The following FBXL7 variants were observed in gnomAD, a reference collection of about 807,000 sequenced individuals.
The protein encoded by FBXL7 is F-box/LRR-repeat protein 7.
Under a neutral mutation model 38.3 loss-of-function variants are expected in FBXL7, and 12 were observed. That is an observed-to-expected ratio of 0.31 (90% CI 0.20 to 0.51). The LOEUF is 0.51. FBXL7 is among the 20% of genes least tolerant of loss of function. FBXL7 has a pLI of 0.98. For synonymous variants in FBXL7, 297 were observed against 300.9 expected (o/e 0.99, Z 0.13); for missense variants, 567 against 676.4 (o/e 0.84, Z 1.79).
chr5:15,797,433 G>A (rs1411328778), intron 2 of FBXL7, among the ~76,000 whole-genome samples: 1 of 152,232 alleles, frequency 6.6e-6, no homozygotes, highest in Non-Finnish European at 1.5e-5. Flanking sequence ...ACCTTTGTGA[G>A]AATAGGAAGA....
Position 15,912,553 on chromosome 5 carries a change from C to T in FBXL7, c.128-15337C>T, listed in dbSNP as rs567709658. 1.1e-4 allele frequency among the ~76,000 whole-genome samples: 17 copies of T among 149,556 alleles called. 1 individual carries two copies. The highest frequency in any genetic ancestry group is 5.3e-4 in the Admixed American group (8 of 15,170). Reference sequence around the variant, plus strand: ...TTTGGCCATCTTGGCTCCTCCCCACCGACCTAGAAGGATTTTCCACAAGTA... The same window carrying T: ...TTTGGCCATCTTGGCTCCTCCCCACTGACCTAGAAGGATTTTCCACAAGTA... On this transcript the variant is annotated intron_variant, in intron 2 of 3. Transcript: ENST00000504595.
At chr5:15,871,942 C>T (rs1276157500) in intron 2 of FBXL7, among the ~76,000 whole-genome samples, 1 of 152,106 alleles carries the variant, frequency 6.6e-6, no homozygotes, top group Non-Finnish European at 1.5e-5. Context: ...GAGAACACCA[C>T]AAAGATAATC....
chr5:15,595,351 G>A lies in FBXL7; in HGVS notation c.38-20632G>A, dbSNP rs1279380002. On this transcript the variant is annotated intron_variant, in intron 1 of 3. Coordinates refer to ENST00000504595, the MANE Select transcript of FBXL7 (RefSeq NM_012304.5). ...TGTAATTCGAAGCTTGGAAGAGTTG[G>A]AACAGGGGTATGAAGCAGTGCTGCA... 2.6e-5 allele frequency among the ~76,000 whole-genome samples: 4 copies of A among 152,098 alleles called. No individual in the cohort carries two copies. The East Asian group carries it at 7.7e-4, about 29-fold the overall frequency.
intron 2 of FBXL7, among the ~76,000 whole-genome samples, chr5:15,837,446 A>G (rs1738624421): frequency 6.6e-6 from 1 of 152,174 alleles, no homozygotes; most frequent in Non-Finnish European, 1.5e-5. Context: ...AACCATAAAT[A>G]TGCCTTATTT....
chr5:15,892,864 T>A (rs1740958841), intron 2 of FBXL7, among the ~76,000 whole-genome samples: 1 of 152,162 alleles, frequency 6.6e-6, no homozygotes, highest in Admixed American at 6.5e-5. Context: ...ACGCCTGTAA[T>A]CCCAGCACTT....
chr5:15,615,296 T>C lies in FBXL7; in HGVS notation c.38-687T>C, dbSNP rs534127737. Among the ~76,000 whole-genome samples, 6 of 152,328 alleles carry C rather than the reference T, an allele frequency of 3.9e-5. No individual in the cohort carries two copies. In the South Asian group the frequency reaches 1.2e-3, roughly 32 times the overall value. ...ACATTTGGGCTGGATAATTCTTTCT[T>C]GTGGCGGCCGACCTGTGCATTCTAA... On this transcript the variant is annotated intron_variant, in intron 1 of 3. Transcript: ENST00000504595.
chr5:15,636,661 T>C (rs1349211645), intron 2 of FBXL7, among the ~76,000 whole-genome samples: 1 of 149,690 alleles, frequency 6.7e-6, no homozygotes, highest in East Asian at 2.0e-4. Context: ...TCCTCTATCA[T>C]TTGTAGAAGG....
At chr5:15,744,987 G>A (rs1199831947) in intron 2 of FBXL7, among the ~76,000 whole-genome samples, 1 of 151,962 alleles carries the variant, frequency 6.6e-6, no homozygotes, top group Non-Finnish European at 1.5e-5. Context: ...CTCCCACCAG[G>A]TCTCTCAGGA....
At chr5:15,703,598 T>G (rs1044387773) in intron 2 of FBXL7, among the ~76,000 whole-genome samples, 2 of 152,174 alleles carry the variant, frequency 1.3e-5, no homozygotes, top group African/African-American at 4.8e-5. Context: ...AGGTGAAAAG[T>G]CATTAACTTT....
intron 2 of FBXL7, among the ~76,000 whole-genome samples, chr5:15,786,476 G>A (rs1417330077): frequency 6.6e-6 from 1 of 152,136 alleles, no homozygotes; most frequent in Non-Finnish European, 1.5e-5. Flanking sequence ...TGGCAGAAAT[G>A]TCCTGAGAGT....
intron 1 of FBXL7, chr5:15,501,718 C>CA: frequency 2.0e-6 from 2 of 985,450 alleles, no homozygotes; most frequent in Non-Finnish European, 2.4e-6. Context: ...GCTGTGGCCA[C>CA]AGAATGTGGG....
At chr5:15,831,283 C>T (rs923045468) in intron 2 of FBXL7, among the ~76,000 whole-genome samples, 3 of 152,136 alleles carry the variant, frequency 2.0e-5, no homozygotes, top group Admixed American at 6.5e-5. Flanking sequence ...TCAGATCTTA[C>T]GACATGCCAG....
chr5:15,705,122 A>T (rs1368180160), intron 2 of FBXL7, among the ~76,000 whole-genome samples: 1 of 152,176 alleles, frequency 6.6e-6, no homozygotes, highest in African/African-American at 2.4e-5. Context: ...AATGCAGTGA[A>T]TTTTTATAAA....
intron 2 of FBXL7, among the ~76,000 whole-genome samples, chr5:15,692,166 C>A (rs1253292046): frequency 6.6e-6 from 1 of 152,150 alleles, no homozygotes; most frequent in Non-Finnish European, 1.5e-5. Flanking sequence ...TTGAAAGATC[C>A]TACCAGCTGT....
intron 2 of FBXL7, among the ~76,000 whole-genome samples, chr5:15,850,502 C>T (rs532316050): frequency 6.6e-6 from 1 of 152,130 alleles, no homozygotes; most frequent in Non-Finnish European, 1.5e-5. Context: ...ATGACTTTAT[C>T]CATGTCATTT....
At chr5:15,859,842 T>A (rs1579529933) in intron 2 of FBXL7, among the ~76,000 whole-genome samples, 1 of 152,148 alleles carries the variant, frequency 6.6e-6, no homozygotes, top group African/African-American at 2.4e-5. Context: ...CCCTGACCCA[T>A]TTTACAGATA....
At chr5:15,631,688 A>AAAAAAGGAAG (rs1305146447) in intron 2 of FBXL7, among the ~76,000 whole-genome samples, 11 of 149,494 alleles carry the variant, frequency 7.4e-5, no homozygotes, top group African/African-American at 2.5e-4. Flanking sequence ...AAAAAAAAAA[A>AAAAAAGGAAG]AAAAAAAGGA....
rs116036427 is a variant in FBXL7, at chr5:15,853,948, T to C, written c.128-73942T>C. ...CATATGGATATTTGATCTTTGCAAG[T>C]CTCTTAATGAACAGTGACAGCGATG... On this transcript the variant is annotated intron_variant, in intron 2 of 3. Coordinates refer to ENST00000504595, the MANE Select transcript of FBXL7 (RefSeq NM_012304.5). Among the ~76,000 whole-genome samples the C allele has an allele frequency of 6.7e-3, 1,025 of 152,302 alleles. 9 individuals are homozygous for C. Among genetic ancestry groups the C allele is most frequent in the African/African-American group, 0.023 (941 of 41,548 alleles).
chr5:15,847,962 G>A (rs1029098437), intron 2 of FBXL7, among the ~76,000 whole-genome samples: 1 of 152,192 alleles, frequency 6.6e-6, no homozygotes, highest in Admixed American at 6.5e-5. Context: ...TAGCACTGGA[G>A]AGGAACACAG....
Sources: allele counts gnomAD v4.1 joint callset (sites outside exome capture counted in the v4.1 genomes callset), GRCh38; gene constraint gnomAD v4.1.1; transcripts MANE v1.5; gene names NCBI Gene and HGNC (gene_info 2026-07-23, HGNC 2026-07-21).